CNTNAP2: variants seen among roughly 807,000 people sequenced by gnomAD.
CNTNAP2 encodes contactin associated protein 2.
Under a neutral mutation model 155.2 loss-of-function variants are expected in CNTNAP2, and 98 were observed. That is an observed-to-expected ratio of 0.63 (90% CI 0.54 to 0.75). CNTNAP2 has a LOEUF of 0.75. Ranked by LOEUF, CNTNAP2 falls within the 30% of genes least tolerant of loss-of-function variation. The pLI, the probability that CNTNAP2 is intolerant of heterozygous loss-of-function variation, is 0.00. For synonymous variants in CNTNAP2, 651 were observed against 631.2 expected (o/e 1.03, Z -0.47); for missense variants, 1,727 against 1,688.1 (o/e 1.02, Z -0.40).
chr7:147,376,065 C>T (rs1221397550), intron 9 of CNTNAP2, among the ~76,000 whole-genome samples: 4 of 151,954 alleles, frequency 2.6e-5, no homozygotes, highest in African/African-American at 9.7e-5. Flanking sequence ...GTGGAGTTTT[C>T]CCACATATAT....
At chr7:148,368,647 C>T (rs1798827202) in intron 21 of CNTNAP2, among the ~76,000 whole-genome samples, 2 of 152,238 alleles carry the variant, frequency 1.3e-5, no homozygotes, top group East Asian at 1.9e-4. Context: ...GTTTATTCAG[C>T]CGGGAGCATC....
At chr7:146,852,816 G>A (rs1014983569) in intron 3 of CNTNAP2, among the ~76,000 whole-genome samples, 2 of 152,164 alleles carry the variant, frequency 1.3e-5, no homozygotes, top group African/African-American at 2.4e-5. Flanking sequence ...AGAAGGTTAA[G>A]AAACACATTC....
intron 3 of CNTNAP2, among the ~76,000 whole-genome samples, chr7:146,902,969 G>A (rs531280485): frequency 2.0e-5 from 3 of 152,182 alleles, no homozygotes; most frequent in Admixed American, 6.5e-5. Context: ...AGAACTACTC[G>A]AGTAGAGCAT....
At chr7:147,734,798 T>G (rs187417247) in intron 13 of CNTNAP2, among the ~76,000 whole-genome samples, 2 of 152,366 alleles carry the variant, frequency 1.3e-5, no homozygotes, top group African/African-American at 4.8e-5. Context: ...TCTAGTTTGT[T>G]TGCATAGAGG....
At chr7:148,397,216 G>A (rs552537739) in intron 22 of CNTNAP2, among the ~76,000 whole-genome samples, 195 of 152,268 alleles carry the variant, frequency 1.3e-3, no homozygotes, top group Admixed American at 3.7e-3. Context: ...ACAGAAGTGC[G>A]GTGCACAACC....
chr7:147,695,018 A>G (rs1048346824), intron 13 of CNTNAP2, among the ~76,000 whole-genome samples: 3 of 152,028 alleles, frequency 2.0e-5, no homozygotes, highest in Non-Finnish European at 4.4e-5. Context: ...CATCCCACAC[A>G]TTTTGATAAG....
intron 3 of CNTNAP2, among the ~76,000 whole-genome samples, chr7:146,988,997 C>G (rs1798163720): frequency 6.6e-6 from 1 of 152,118 alleles, no homozygotes; most frequent in Non-Finnish European, 1.5e-5. Context: ...CTCATTTTTC[C>G]TCTCCATATT....
chr7:147,146,684 A>G (rs1801710953), intron 8 of CNTNAP2: 1 of 152,298 alleles, frequency 6.6e-6, no homozygotes, highest in African/African-American at 2.4e-5. Flanking sequence ...CAGATTTTTT[A>G]TCTAAATATA....
chr7:146,663,030 C>T (rs970072620), intron 1 of CNTNAP2, among the ~76,000 whole-genome samples: 12 of 152,006 alleles, frequency 7.9e-5, no homozygotes, highest in Admixed American at 5.9e-4. Context: ...GGAATTCCAG[C>T]ACTTTGGAAG....
chr7:148,069,099 A>G (rs1171825767), intron 15 of CNTNAP2, among the ~76,000 whole-genome samples: 1 of 152,214 alleles, frequency 6.6e-6, no homozygotes, highest in Admixed American at 6.5e-5. Context: ...TCTCTCAGAC[A>G]TAACTGCCCT....
intron 1 of CNTNAP2, among the ~76,000 whole-genome samples, chr7:146,721,339 C>T (rs189826481): frequency 1.3e-4 from 16 of 124,218 alleles, no homozygotes; most frequent in South Asian, 2.5e-4. Flanking sequence ...ATTCTATATA[C>T]ATTCTATATA....
At chr7:146,701,659 GTA>G (rs1025389844) in intron 1 of CNTNAP2, among the ~76,000 whole-genome samples, 4 of 149,122 alleles carry the variant, frequency 2.7e-5, no homozygotes, top group Admixed American at 2.0e-4. Context: ...TTAAATTTTT[GTA>G]TATACACACA....
rs1200036131 is a variant in CNTNAP2, at chr7:148,083,437, G to A, written c.2384-34681G>A. The stretch of plus-strand genomic sequence containing the variant: ...ACGAGGCAGGAATGATGCACATTCC[G>A]AGGGTGGGAGTGAAGAATTAGGAGT... On this transcript the variant is annotated intron_variant, in intron 15 of 23. Coordinates refer to ENST00000361727, the MANE Select transcript of CNTNAP2 (RefSeq NM_014141.6). Among the ~76,000 whole-genome samples, 5 of 152,242 alleles carry A rather than the reference G, an allele frequency of 3.3e-5. No individual in the cohort carries two copies. The South Asian group carries it at 6.2e-4, about 19-fold the overall frequency.
At chr7:147,663,006 T>C (rs1462386369) in intron 13 of CNTNAP2, among the ~76,000 whole-genome samples, 1 of 152,190 alleles carries the variant, frequency 6.6e-6, no homozygotes, top group African/African-American at 2.4e-5. Context: ...TTTGTTTGTT[T>C]GTTTGTTTTT....
intron 3 of CNTNAP2, among the ~76,000 whole-genome samples, chr7:147,030,584 T>G (rs765286913): frequency 2.6e-5 from 4 of 152,232 alleles, no homozygotes; most frequent in Non-Finnish European, 5.9e-5. Flanking sequence ...CAATATCTTC[T>G]TATTTCCTGT....
At chr7:147,096,030 C>T (rs1490405660) in intron 4 of CNTNAP2, among the ~76,000 whole-genome samples, 2 of 152,140 alleles carry the variant, frequency 1.3e-5, no homozygotes, top group East Asian at 1.9e-4. Context: ...CATGCTCTCT[C>T]TATTGATTTA....
chr7:148,068,847 A>T (rs1329572864), intron 15 of CNTNAP2, among the ~76,000 whole-genome samples: 1 of 152,184 alleles, frequency 6.6e-6, no homozygotes, highest in Non-Finnish European at 1.5e-5. Flanking sequence ...TTTATTACAC[A>T]CATGAATTTA....
At chr7:146,700,144 T>G (rs748842981) in intron 1 of CNTNAP2, among the ~76,000 whole-genome samples, 5 of 151,936 alleles carry the variant, frequency 3.3e-5, no homozygotes, top group Non-Finnish European at 7.4e-5. Context: ...CCTCAAAGGG[T>G]TTTCATCCCT....
chr7:147,231,694 A>G (rs78482123), intron 8 of CNTNAP2, among the ~76,000 whole-genome samples: 3,298 of 152,300 alleles, frequency 0.022, 121 homozygotes, highest in African/African-American at 0.075. Flanking sequence ...GATGCTGAGC[A>G]TCTCTTCATA....
Sources: gnomAD v4.1 joint callset for allele counts (sites outside exome capture counted in the v4.1 genomes callset) on GRCh38, gnomAD v4.1.1 for gene constraint, MANE v1.5 for transcripts, NCBI Gene and HGNC (gene_info 2026-07-23, HGNC 2026-07-21) for gene names.